Variants in CCDC15 observed in about 807,000 individuals in gnomAD.
The protein encoded by CCDC15 is coiled-coil domain-containing protein 15.
CCDC15 carries 105 observed loss-of-function variants against 114.5 expected under a neutral mutation model. That is an observed-to-expected ratio of 0.92 (90% CI 0.78 to 1.08). CCDC15 has a LOEUF of 1.08. Among genes scored for constraint, CCDC15 ranks in the 50% least tolerant of loss-of-function variants. CCDC15 has a pLI of 0.00. For synonymous variants in CCDC15, 334 were observed against 377.8 expected (o/e 0.88, Z 1.34); for missense variants, 1,105 against 1,093.6 (o/e 1.01, Z -0.15).
chr11:125,024,150 G>C (rs1948679959), intron 13 of CCDC15, among the ~76,000 whole-genome samples: 1 of 151,918 alleles, frequency 6.6e-6, no homozygotes, highest in Non-Finnish European at 1.5e-5. Flanking sequence ...ATATATGCAT[G>C]TATTCCCAGC....
intron 4 of CCDC15, among the ~76,000 whole-genome samples, chr11:124,961,987 G>A (rs745658764): frequency 7.9e-5 from 12 of 152,158 alleles, no homozygotes; most frequent in Non-Finnish European, 1.3e-4. Context: ...ATCAGGTTAT[G>A]AAAAACCTTA....
intron 4 of CCDC15, among the ~76,000 whole-genome samples, chr11:124,965,058 GA>G (rs1947748542): frequency 6.6e-6 from 1 of 152,116 alleles, no homozygotes; most frequent in Admixed American, 6.5e-5. Context: ...TTTTATTGAA[GA>G]TTTTTGCATC....
intron 13 of CCDC15, among the ~76,000 whole-genome samples, chr11:125,010,114 TA>T (rs1206233275): frequency 2.0e-5 from 3 of 152,228 alleles, no homozygotes; most frequent in Non-Finnish European, 4.4e-5. Flanking sequence ...GTGGCTGAAC[TA>T]ATTTACATTT....
At chr11:125,009,483 T>G (rs565275901) in intron 13 of CCDC15, among the ~76,000 whole-genome samples, 4 of 152,138 alleles carry the variant, frequency 2.6e-5, no homozygotes, top group African/African-American at 9.7e-5. Context: ...CTTTGGGGTC[T>G]TTTTGGTTTT....
At chr11:124,977,365 G>T in intron 5 of CCDC15, 113 bp from the exon 6 acceptor site, 3 of 991,910 alleles carry the variant, frequency 3.0e-6, no homozygotes, top group Non-Finnish European at 2.8e-6. Context: ...CTGTGTATTA[G>T]ACTACCAAAA....
At chr11:125,017,126 C>A (rs1948634060) in intron 13 of CCDC15, among the ~76,000 whole-genome samples, 1 of 152,154 alleles carries the variant, frequency 6.6e-6, no homozygotes. Flanking sequence ...AATCATACAT[C>A]TGTTTTATAA....
At chr11:125,026,231 A>C (rs1948701466) in intron 13 of CCDC15, among the ~76,000 whole-genome samples, 1 of 152,164 alleles carries the variant, frequency 6.6e-6, no homozygotes, top group Admixed American at 6.5e-5. Context: ...GTTTGCTGAA[A>C]CTGAAGTTCC....
intron 6 of CCDC15, among the ~76,000 whole-genome samples, chr11:124,983,242 G>T (rs934998917): frequency 2.0e-5 from 3 of 152,148 alleles, no homozygotes; most frequent in African/African-American, 7.2e-5. Flanking sequence ...TCTCCTGAAT[G>T]TCGATATTTT....
chr11:125,010,464 G>C (rs1948582393), intron 13 of CCDC15, among the ~76,000 whole-genome samples: 1 of 151,078 alleles, frequency 6.6e-6, no homozygotes, highest in South Asian at 2.1e-4. Context: ...CCAGATTCAA[G>C]TGATTCTCGT....
intron 13 of CCDC15, among the ~76,000 whole-genome samples, chr11:125,028,350 G>A (rs1334262594): frequency 6.6e-6 from 1 of 152,122 alleles, no homozygotes; most frequent in Non-Finnish European, 1.5e-5. Flanking sequence ...GTTGCTTTTG[G>A]CAGTATCGTC....
intron 13 of CCDC15, among the ~76,000 whole-genome samples, chr11:125,026,090 G>A (rs1948699850): frequency 6.6e-6 from 1 of 152,130 alleles, no homozygotes; most frequent in African/African-American, 2.4e-5. Context: ...AGCTGCCCCA[G>A]CTGGTATCTC....
At chr11:124,990,431 G>T (rs1047395422) in intron 8 of CCDC15, among the ~76,000 whole-genome samples, 2 of 152,208 alleles carry the variant, frequency 1.3e-5, no homozygotes, top group Non-Finnish European at 2.9e-5. Context: ...ACGAGCACAT[G>T]CTGTTGGAAA....
At chr11:125,024,082 TA>T (rs1948679399) in intron 13 of CCDC15, among the ~76,000 whole-genome samples, 1 of 151,982 alleles carries the variant, frequency 6.6e-6, no homozygotes, top group South Asian at 2.1e-4. Context: ...ATCTCAACAT[TA>T]AAAATGAGTC....
chr11:124,988,083 C>A lies in CCDC15; in HGVS notation c.1857C>A (p.Asp619Glu). Residue 619 changes from aspartate (D) to glutamate (E), a missense_variant, in exon 8 of 16, where the codon GAC (aspartate) becomes GAA (glutamate). Asp to Glu is a conservative substitution (Grantham distance 45). Transcript: ENST00000344762. ...GAGACCTGCATGTTCTCTCCAACGA[C>A]CAGAATATTCTACCCAAATGTCAGG... ...LPRDLHVLSN[D>E]QNILPKCQDQ... 1 of 1,613,856 alleles carries A rather than the reference C, an allele frequency of 6.2e-7. No individual in the cohort carries two copies. Among genetic ancestry groups the A allele is most frequent in the Non-Finnish European group, 8.5e-7 (1 of 1,179,846 alleles).
intron 4 of CCDC15, among the ~76,000 whole-genome samples, chr11:124,971,210 C>G (rs569883652): frequency 2.0e-4 from 31 of 152,256 alleles, no homozygotes; most frequent in African/African-American, 6.7e-4. Context: ...GTTAGGAAAA[C>G]TAACAAACAG....
intron 10 of CCDC15, among the ~76,000 whole-genome samples, 184 bp from the exon 11 acceptor site, chr11:124,992,985 T>A (rs1948296030): frequency 6.6e-6 from 1 of 150,960 alleles, no homozygotes; most frequent in Non-Finnish European, 1.5e-5. Context: ...TCATTATACT[T>A]TTTTTTTTTC....
At chr11:125,000,158 A>G (rs2135508774) in intron 11 of CCDC15, among the ~76,000 whole-genome samples, 1 of 152,112 alleles carries the variant, frequency 6.6e-6, no homozygotes, top group South Asian at 2.1e-4. Context: ...CCACCATGCC[A>G]GGCTAATATT....
chr11:125,011,887 A>G (rs546774501), intron 13 of CCDC15, among the ~76,000 whole-genome samples: 1 of 152,322 alleles, frequency 6.6e-6, no homozygotes, highest in East Asian at 1.9e-4. Flanking sequence ...TCTGAGTTAC[A>G]TGCAGGAACA....
chr11:125,018,213 C>G (rs550817323), intron 13 of CCDC15, among the ~76,000 whole-genome samples: 11 of 152,106 alleles, frequency 7.2e-5, no homozygotes, highest in African/African-American at 2.6e-4. Context: ...ATGTTTTTAT[C>G]TTTTATACTG....
Sources: allele counts gnomAD v4.1 joint callset (sites outside exome capture counted in the v4.1 genomes callset), GRCh38; gene constraint gnomAD v4.1.1; transcripts MANE v1.5; gene names NCBI Gene and HGNC (gene_info 2026-07-23, HGNC 2026-07-21).